APOB: variants seen among roughly 807,000 people sequenced by gnomAD.
APOB encodes the protein apolipoprotein B-100.
In APOB, 153 loss-of-function variants were observed where a neutral mutation model predicts 314.1. The ratio of observed to expected loss-of-function variants is 0.49; its 90% CI spans 0.43 to 0.56. The LOEUF (loss-of-function observed/expected upper bound fraction) is 0.56, where lower values mean the gene tolerates loss of function less well. Among genes scored for constraint, APOB ranks in the 20% least tolerant of loss-of-function variants. APOB has a pLI of 0.00. For missense variants in APOB, 5,430 were observed against 5,350.7 expected, an observed-to-expected ratio of 1.01 and a Z score of -0.46; for synonymous variants, 2,087 against 2,036.4, an observed-to-expected ratio of 1.02 and a Z score of -0.67.
chr2:21,037,211 C>G lies in APOB; in HGVS notation c.582G>C (p.Thr194=), dbSNP rs780730006. ...TTTCTGTTGCCACATTGCCCTTCCT[C>G]GTCTTGACGGTAAAGTGAGTGGAGC... ...GNCSTHFTVK[T]RKGNVATEIS... is the part of the protein sequence containing the mutation. The change falls in exon 6 of 29, where the codon ACG becomes ACC. Residue 194 remains threonine, a synonymous_variant. Transcript: ENST00000233242. The G allele has an allele frequency of 6.2e-7, 1 of 1,614,140 alleles. No homozygotes were observed. The highest frequency in any genetic ancestry group is 8.5e-7 in the Non-Finnish European group (1 of 1,180,036).
At chr2:21,003,388 A>T (rs560255778) in intron 28 of APOB, 54 bp from the exon 29 acceptor site, 24 of 1,465,312 alleles carry the variant, frequency 1.6e-5, no homozygotes, top group East Asian at 1.6e-4. Flanking sequence ...CAATTACACA[A>T]TATAGTACAC....
chr2:21,030,656 G>A (rs1182416800), intron 10 of APOB, among the ~76,000 whole-genome samples: 1 of 152,098 alleles, frequency 6.6e-6, no homozygotes, highest in African/African-American at 2.4e-5. Flanking sequence ...AATCAACAGG[G>A]TGGTAACCTG....
At chr2:21,031,012 A>G (rs113892230) in intron 10 of APOB, among the ~76,000 whole-genome samples, 1 of 152,380 alleles carries the variant, frequency 6.6e-6, no homozygotes, top group Non-Finnish European at 1.5e-5. Context: ...TGGGATTGTA[A>G]ATAAGTACAA....
rs779050509 is a variant in APOB, at chr2:21,007,075, T to G, written c.9793A>C (p.Ile3265Leu). The change falls in exon 26 of 29, where the codon ATA becomes CTA. Residue 3265 changes from isoleucine (I) to leucine (L), a missense_variant. By Grantham distance (5) the Ile-to-Leu change is conservative (BLOSUM62 2). Coordinates refer to ENST00000233242, the MANE Select transcript of APOB (RefSeq NM_000384.3). The stretch of plus-strand genomic sequence containing the variant: ...ACATAGCCGAATGCCGACATCTCTA[T>G]GGTGAATGGAGACACTTCAACATTG... ...VVNVEVSPFT[I>L]EMSAFGYVFP... is the part of the protein sequence containing the mutation. 6.2e-7 allele frequency: 1 copy of G among 1,614,038 alleles called. No homozygotes were observed. Among genetic ancestry groups the G allele is most frequent in the South Asian group, 1.1e-5 (1 of 91,082 alleles).
In APOB at chr2:21,006,631, T is replaced by C; in HGVS notation, c.10237A>G (p.Thr3413Ala). The C allele has an allele frequency of 3.7e-6, 6 of 1,614,094 alleles. No individual in the cohort carries two copies. The highest frequency in any genetic ancestry group is 5.1e-6 in the Non-Finnish European group (6 of 1,179,964). ...ATATTTTTCGTGGTTAAGCTCACAG[T>C]ACTGTTATGACTACCCTCCACAAAT... ...NKFVEGSHNS[T>A]VSLTTKNMEV... Residue 3413 changes from threonine to alanine, a missense_variant, in exon 26 of 29, where the codon ACT (threonine) becomes GCT (alanine). Physicochemically the swap from Thr to Ala is moderately conservative, Grantham distance 58. This residue lies in a region of APOB where 3,281 missense variants were observed against 3,171.0 expected (regional missense o/e 1.03). Transcript: ENST00000233242.
chr2:21,007,978 T>G lies in APOB; in HGVS notation c.8890A>C (p.Asn2964His). ...LTSFGLSNKI[N>H]SKHLRVNQNL... ...TGGTTTACTCTTAGGTGTTTGCTAT[T>G]GATCTTATTGGACAGTCCAAAGGAA... The change falls in exon 26 of 29, where the codon AAT becomes CAT. Residue 2964 changes from asparagine (N) to histidine (H), a missense_variant. By Grantham distance (68) the Asn-to-His change is moderately conservative. This residue lies in a region of APOB where 3,281 missense variants were observed against 3,171.0 expected (regional missense o/e 1.03). Transcript: ENST00000233242. The G allele has an allele frequency of 6.2e-7, 1 of 1,614,122 alleles. No individual in the cohort carries two copies. The highest frequency in any genetic ancestry group is 8.5e-7 in the Non-Finnish European group (1 of 1,179,966).
At position 21,037,137 on chromosome 2, in the gene APOB, C is replaced by A. The variant is rs201606169; in HGVS notation, c.656G>T (p.Arg219Leu). The A allele has an allele frequency of 1.7e-5, 27 of 1,614,060 alleles. No individual in the cohort carries two copies. The highest frequency in any genetic ancestry group is 2.3e-5 in the Non-Finnish European group (27 of 1,180,048). The change falls in exon 6 of 29, where the codon CGC becomes CTC. Residue 219 changes from arginine (R) to leucine (L), a missense_variant. Physicochemically the swap from Arg to Leu is moderately radical, Grantham distance 102 (BLOSUM62 -2). This residue lies in a region of APOB where 2,085 missense variants were observed against 2,079.7 expected (regional missense o/e 1.00). Coordinates refer to ENST00000233242, the MANE Select transcript of APOB (RefSeq NM_000384.3). ...GAGAGCAAGTGGGCTGATGCCTGTG[C>A]GGATGGGCTTGAAGCGATCACACTG... ...LGQCDRFKPI[R>L]TGISPLALIK...
At chr2:21,041,785 A>G (rs542310735) in intron 3 of APOB, among the ~76,000 whole-genome samples, 103 of 152,274 alleles carry the variant, frequency 6.8e-4, no homozygotes, top group African/African-American at 2.3e-3. Context: ...GGTACTCTCT[A>G]AAAAAAGGTG....
chr2:21,029,517 AAG>A lies in APOB; in HGVS notation c.1617+120_1617+121del. 8 of 1,098,498 alleles carry A rather than the reference AAG, an allele frequency of 7.3e-6. No individual in the cohort carries two copies. The South Asian group carries it at 1.0e-4, about 14-fold the overall frequency. 68.0% of individuals were successfully genotyped at this position (1,098,498 alleles called of 1,614,324 possible). On this transcript the variant is annotated intron_variant, in intron 12 of 28. Coordinates refer to ENST00000233242, the MANE Select transcript of APOB (RefSeq NM_000384.3). ...GGAGGAAGGAAGGAAGGAAGGAAGG[AAG>A]GAAAGGAAAGAAACAGCAGAATAAA...
Position 21,007,580 on chromosome 2 carries a change from A to G in APOB, c.9288T>C (p.Tyr3096=), listed in dbSNP as rs2103353250. The change falls in exon 26 of 29, where the codon TAT becomes TAC. Residue 3096 remains tyrosine (Y), a synonymous_variant. Transcript: ENST00000233242. ...CAGCAGAGAAATTTTGGTTGTACTT[A>G]TACTGATTGAACCTAGCACTTACTT... ...SWQVSARFNQ[Y]KYNQNFSAGN... The G allele has an allele frequency of 6.2e-7, 1 of 1,614,068 alleles. No homozygotes were observed. The highest frequency in any genetic ancestry group is 8.5e-7 in the Non-Finnish European group (1 of 1,179,960).
intron 7 of APOB, 30 bp from the exon 8 acceptor site, chr2:21,034,931 G>A (rs771540957): frequency 1.5e-5 from 16 of 1,093,174 alleles, no homozygotes; most frequent in South Asian, 2.5e-5. Context: ...ACCATGTCAC[G>A]GATGGCCAGA....
chr2:21,012,750 G>A (rs1254113204), intron 25 of APOB, 99 bp from the exon 26 acceptor site: 20 of 1,346,066 alleles, frequency 1.5e-5, no homozygotes, highest in Non-Finnish European at 2.0e-5. Context: ...CCATTTTTCT[G>A]GGCCAATTGT....
rs549476578 is a variant in APOB, at chr2:21,009,212, A to C, written c.7656T>G (p.Asp2552Glu). The change falls in exon 26 of 29, where the codon GAT (aspartate) becomes GAG (glutamate). Residue 2552 changes from aspartate to glutamate, a missense_variant. Transcript: ENST00000233242. ...GGTTCTTAGCAGCAAGAGTCCACCAATCAGAAATGTAGGTGACAAGTGTGC... is the reference window on the plus strand; with the variant it reads ...GGTTCTTAGCAGCAAGAGTCCACCACTCAGAAATGTAGGTGACAAGTGTGC... Reference protein sequence around the residue: ...VYSTLVTYISDWWTLAAKNLT... With the variant: ...VYSTLVTYISEWWTLAAKNLT... The C allele has an allele frequency of 6.2e-7, 1 of 1,613,990 alleles. No individual in the cohort carries two copies. The highest frequency in any genetic ancestry group is 8.5e-7 in the Non-Finnish European group (1 of 1,179,976).
rs377678780 is a variant in APOB, at chr2:21,042,194, C to A, written c.237+167G>T. 8.5e-5 allele frequency among the ~76,000 whole-genome samples: 13 copies of A among 152,322 alleles called. No homozygotes were observed. In the East Asian group the frequency reaches 1.9e-3, roughly 23 times the overall value. ...ACATCTCAGCAATGTGGCTGACTTA[C>A]AAACAGAGGCAAAGTCCCAGTGCTT... On this transcript the variant is annotated intron_variant, in intron 3 of 28. Transcript: ENST00000233242.
intron 18 of APOB, among the ~76,000 whole-genome samples, chr2:21,021,925 A>G (rs12720792): frequency 0.019 from 2,915 of 152,272 alleles, 78 homozygotes; most frequent in African/African-American, 0.063. Context: ...CTCACTCAAC[A>G]TACGTGGTAT....
rs549480909 is a variant in APOB, at chr2:21,042,714, G to T, written c.122-238C>A. On this transcript the variant is annotated intron_variant, in intron 2 of 28. Coordinates refer to ENST00000233242, the MANE Select transcript of APOB (RefSeq NM_000384.3). ...CTTGAATATCTCATCTGAGGCACAG[G>T]GAAGGGAGTGACAAGTGTCAAGTAA... is the stretch of plus-strand genomic sequence containing the variant. Among the ~76,000 whole-genome samples the T allele has an allele frequency of 3.3e-5, 5 of 152,158 alleles. No individual in the cohort carries two copies. The South Asian group carries it at 1.0e-3, about 32-fold the overall frequency.
chr2:21,043,611 C>T, intron 1 of APOB, 60 bp from the exon 2 acceptor site: 2 of 1,561,930 alleles, frequency 1.3e-6, no homozygotes, highest in South Asian at 2.3e-5. Context: ...GGTGCTAGGG[C>T]CCGACAGGGG....
Position 21,009,319 on chromosome 2 carries a change from C to T in APOB, c.7549G>A (p.Glu2517Lys), listed in dbSNP as rs1281521954. ...HMKAKFRETL[E>K]DTRDRMYQMD... ...TGATACATTCGGTCTCGTGTATCTT[C>T]TAGGGTCTCTCGGAATTTGGCCTTC... is the stretch of plus-strand genomic sequence containing the variant. The change falls in exon 26 of 29, where the codon GAA (glutamate) becomes AAA (lysine). Residue 2517 changes from glutamate (E) to lysine (K), a missense_variant. By Grantham distance (56) the Glu-to-Lys change is moderately conservative. This residue lies in a region of APOB where 3,281 missense variants were observed against 3,171.0 expected (regional missense o/e 1.03). Transcript: ENST00000233242. 6.2e-7 allele frequency: 1 copy of T among 1,614,102 alleles called. No homozygotes were observed. The highest frequency in any genetic ancestry group is 1.3e-5 in the African/African-American group (1 of 75,046).
At chr2:21,012,785 G>T in intron 25 of APOB, 134 bp from the exon 26 acceptor site, 1 of 974,446 alleles carries the variant, frequency 1.0e-6, no homozygotes, top group Non-Finnish European at 1.5e-6. Flanking sequence ...CATCTGTAAT[G>T]CAAAGATAAA....
Sources: gnomAD v4.1 joint callset for allele counts (sites outside exome capture counted in the v4.1 genomes callset) on GRCh38, gnomAD v4.1.1 for gene constraint, gnomAD v4.1.1 regional missense constraint, MANE v1.5 for transcripts, NCBI Gene and HGNC (gene_info 2026-07-23, HGNC 2026-07-21) for gene names.